SEC14L5: variants seen among roughly 807,000 people sequenced by gnomAD.
SEC14L5 encodes the protein SEC14 like lipid binding 5.
In SEC14L5, 96 loss-of-function variants were observed where a neutral mutation model predicts 84.6. The ratio of observed to expected loss-of-function variants is 1.13; its 90% CI spans 0.96 to 1.34. SEC14L5 has a LOEUF of 1.34. SEC14L5 is among the 40% of genes most tolerant of loss of function. The pLI is 0.00. For missense variants in SEC14L5, 1,224 were observed against 942.5 expected, an observed-to-expected ratio of 1.30 and a Z score of -3.91; for synonymous variants, 546 against 383.4, an observed-to-expected ratio of 1.42 and a Z score of -4.95.
chr16:4,987,158 T>A (rs1460682019), intron 2 of SEC14L5, among the ~76,000 whole-genome samples: 1 of 151,860 alleles, frequency 6.6e-6, no homozygotes, highest in Non-Finnish European at 1.5e-5. Context: ...CAGATGGCTT[T>A]ACCAGGCGGA....
chr16:4,999,212 C>A (rs1955648806), intron 8 of SEC14L5, among the ~76,000 whole-genome samples: 1 of 152,202 alleles, frequency 6.6e-6, no homozygotes, highest in South Asian at 2.1e-4. Context: ...GCAGAAAACA[C>A]CCAAAGTGCT....
At chr16:4,978,751 T>C (rs564226373) in intron 2 of SEC14L5, among the ~76,000 whole-genome samples, 111 of 151,200 alleles carry the variant, frequency 7.3e-4, no homozygotes, top group South Asian at 1.7e-3. Context: ...TACAGGCGCC[T>C]GCCACCACGC....
At chr16:4,974,269 G>A (rs1035183142) in intron 2 of SEC14L5, among the ~76,000 whole-genome samples, 5 of 151,862 alleles carry the variant, frequency 3.3e-5, no homozygotes, top group African/African-American at 9.7e-5. Context: ...AGGCTGGAGT[G>A]CAGTGGCAGG....
At chr16:4,991,482 C>T (rs980588485) in intron 5 of SEC14L5, among the ~76,000 whole-genome samples, 1 of 151,942 alleles carries the variant, frequency 6.6e-6, no homozygotes, top group Non-Finnish European at 1.5e-5. Flanking sequence ...AGGAGGATCT[C>T]TTGATCCTGG....
chr16:4,987,856 A>G (rs1596627649), intron 3 of SEC14L5, 150 bp downstream of exon 3: 1 of 697,698 alleles, frequency 1.4e-6, no homozygotes. Context: ...TTCCAGGATG[A>G]GGGTGGCGGG....
chr16:5,010,991 G>GC, intron 14 of SEC14L5, 104 bp from the exon 15 acceptor site: 2 of 1,125,202 alleles, frequency 1.8e-6, no homozygotes, highest in South Asian at 3.1e-5. Flanking sequence ...AGGGAGAAGA[G>GC]CCCCAATTTC....
At chr16:4,961,512 A>G (rs537544461) in intron 2 of SEC14L5, among the ~76,000 whole-genome samples, 1 of 152,086 alleles carries the variant, frequency 6.6e-6, no homozygotes, top group Non-Finnish European at 1.5e-5. Context: ...TATTTTCAGT[A>G]TAGACGGGGT....
Position 5,008,622 on chromosome 16 carries a change from G to A in SEC14L5, c.1774G>A (p.Val592Ile), listed in dbSNP as rs542822769. ...RDYSRVEAPL[V>I]CREGESIQGS... ...TTACAGCCGTGTGGAGGCTCCCCTT[G>A]TCTGCCGGGAGGGGGAGAGCATCCA... The change falls in exon 14 of 16, where the codon GTC (valine) becomes ATC (isoleucine). Residue 592 changes from valine (V) to isoleucine (I), a missense_variant. Transcript: ENST00000251170. 3.7e-5 allele frequency: 60 copies of A among 1,605,800 alleles called. No individual in the cohort carries two copies. In the South Asian group the frequency reaches 6.0e-4, roughly 16 times the overall value.
chr16:4,964,818 T>C (rs1405406142), intron 2 of SEC14L5, among the ~76,000 whole-genome samples: 2 of 151,806 alleles, frequency 1.3e-5, no homozygotes, highest in African/African-American at 2.4e-5. Flanking sequence ...GCAACCTTTG[T>C]CTCCCAGGCT....
At chr16:4,986,351 G>A (rs1955487104) in intron 2 of SEC14L5, among the ~76,000 whole-genome samples, 1 of 152,142 alleles carries the variant, frequency 6.6e-6, no homozygotes. Flanking sequence ...TGTTGGCCAG[G>A]CTGGTCTTGA....
chr16:5,011,977 G>T (rs910301784), intron 15 of SEC14L5, among the ~76,000 whole-genome samples: 3 of 152,202 alleles, frequency 2.0e-5, no homozygotes, highest in African/African-American at 7.2e-5. Flanking sequence ...TGATGGATCT[G>T]CACTGGTTTT....
Position 5,005,937 on chromosome 16 carries a change from C to A in SEC14L5, c.1326C>A (p.Asn442Lys), listed in dbSNP as rs149835978. Reference sequence around the variant, plus strand: ...AGATCAGCCCCTTCATCAATGAGAACACCAGGCGGAAGTTCCTCATCTACA... The same window carrying A: ...AGATCAGCCCCTTCATCAATGAGAAAACCAGGCGGAAGTTCCTCATCTACA... ...WTLISPFINENTRRKFLIYSG... is the reference protein window; with the variant it reads ...WTLISPFINEKTRRKFLIYSG... The change falls in exon 12 of 16, where the codon AAC (asparagine) becomes AAA (lysine). Residue 442 changes from asparagine (N) to lysine (K), a missense_variant. Coordinates refer to ENST00000251170, the MANE Select transcript of SEC14L5 (RefSeq NM_014692.2). 6.3e-7 allele frequency: 1 copy of A among 1,598,928 alleles called. No homozygotes were observed. The highest frequency in any genetic ancestry group is 2.3e-5 in the East Asian group (1 of 44,342).
intron 11 of SEC14L5, among the ~76,000 whole-genome samples, chr16:5,005,315 C>T (rs182830714): frequency 2.0e-5 from 3 of 149,574 alleles, no homozygotes; most frequent in South Asian, 2.1e-4. Flanking sequence ...ACTCTGTCTC[C>T]GAAACAAAAA....
At chr16:4,996,081 C>T (rs767500759) in intron 6 of SEC14L5, among the ~76,000 whole-genome samples, 10 of 152,140 alleles carry the variant, frequency 6.6e-5, no homozygotes, top group Non-Finnish European at 1.5e-4. Context: ...GAATTATCTT[C>T]AATTCCCAGG....
intron 12 of SEC14L5, among the ~76,000 whole-genome samples, chr16:5,007,105 G>A (rs1955740565): frequency 6.6e-6 from 1 of 152,178 alleles, no homozygotes; most frequent in Admixed American, 6.5e-5. Context: ...ACTTTCTGCT[G>A]TGTGATCGTG....
At position 5,015,997 on chromosome 16, in the gene SEC14L5, T is replaced by G. The variant is rs1326291748; in HGVS notation, c.*1027T>G. 1.3e-5 allele frequency: 2 copies of G among 152,186 alleles called. No individual in the cohort carries two copies. Among genetic ancestry groups the G allele is most frequent in the Admixed American group, 6.5e-5 (1 of 15,278 alleles). The allele number at this position is 152,186 out of a possible 1,614,324, so 9.4% of individuals were successfully genotyped here. A position where few individuals can be genotyped will look rare whatever the true frequency, so the allele number is the denominator to read the frequency against. On this transcript the variant is annotated 3_prime_UTR_variant, in exon 16 of 16. Coordinates refer to ENST00000251170, the MANE Select transcript of SEC14L5 (RefSeq NM_014692.2). ...CTAGGGAACTGTTTAATTATGACTGTTTTTGGTTGTAAGCCACAGAGACCC... is the reference window on the plus strand; with the variant it reads ...CTAGGGAACTGTTTAATTATGACTGGTTTTGGTTGTAAGCCACAGAGACCC...
chr16:5,007,361 C>G lies in SEC14L5; in HGVS notation c.1447C>G (p.Pro483Ala), dbSNP rs767500446. 1 of 1,613,742 alleles carries G rather than the reference C, an allele frequency of 6.2e-7. No individual in the cohort carries two copies. The change falls in exon 13 of 16, where the codon CCC becomes GCC. Residue 483 changes from proline (P) to alanine (A), a missense_variant. Physicochemically the swap from Pro to Ala is conservative, Grantham distance 27. Coordinates refer to ENST00000251170, the MANE Select transcript of SEC14L5 (RefSeq NM_014692.2). ...FLGGESVCNV[P>A]EGGLVPKSLY... ...TATCTCTGACCTGCAGTGTAATGTCCCCGAAGGAGGGCTGGTCCCCAAGTC... is the reference window on the plus strand; with the variant it reads ...TATCTCTGACCTGCAGTGTAATGTCGCCGAAGGAGGGCTGGTCCCCAAGTC...
chr16:5,013,457 G>T (rs1238051908), intron 15 of SEC14L5, among the ~76,000 whole-genome samples: 1 of 150,778 alleles, frequency 6.6e-6, no homozygotes, highest in Non-Finnish European at 1.5e-5. Context: ...TGCAATCCTA[G>T]CTTACTGTAG....
At chr16:4,989,267 T>G (rs971043648) in intron 4 of SEC14L5, among the ~76,000 whole-genome samples, 1 of 151,792 alleles carries the variant, frequency 6.6e-6, no homozygotes, top group Non-Finnish European at 1.5e-5. Flanking sequence ...CGATGATAAC[T>G]CCAGGATAGC....
Sources: gnomAD v4.1 joint callset for allele counts (sites outside exome capture counted in the v4.1 genomes callset) on GRCh38, gnomAD v4.1.1 for gene constraint, MANE v1.5 for transcripts, NCBI Gene and HGNC (gene_info 2026-07-23, HGNC 2026-07-21) for gene names.